The following ARHGEF11 variants were observed in gnomAD, a reference collection of about 807,000 sequenced individuals.
ARHGEF11 encodes the protein Rho guanine exchange factor (GEF) 11.
In ARHGEF11, 55 loss-of-function variants were observed where a neutral mutation model predicts 193.7. The ratio of observed to expected loss-of-function variants is 0.28; its 90% confidence interval spans 0.23 to 0.36. ARHGEF11 has a LOEUF of 0.36. Ranked by LOEUF, ARHGEF11 falls within the 10% of genes least tolerant of loss-of-function variation. The pLI is 1.00. For missense variants in ARHGEF11, 1,723 were observed against 2,005.6 expected (o/e 0.86, Z 2.69); for synonymous variants, 693 against 768.0 (o/e 0.90, Z 1.62).
intron 21 of ARHGEF11, among the ~76,000 whole-genome samples, chr1:156,954,611 C>T (rs1207912104): frequency 6.6e-6 from 1 of 152,310 alleles, no homozygotes; most frequent in Middle Eastern, 3.4e-3. Context: ...AAGGAGCTGT[C>T]CCTGCAGGAG....
rs1553228459 is a variant in ARHGEF11 at position 157,013,259 on chromosome 1, T to TCTCA, written c.33-27087_33-27086insTGAG. Among the ~76,000 whole-genome samples, 378 of 109,574 alleles carry TCTCA rather than the reference T, an allele frequency of 3.4e-3. 3 individuals carry two copies. The highest frequency in any genetic ancestry group is 7.1e-3 in the South Asian group (21 of 2,976). The allele number at this position is 109,574 out of a possible 152,430, so 71.9% of individuals were successfully genotyped here. A position where few individuals can be genotyped will look rare whatever the true frequency, so the allele number is the denominator to read the frequency against. On this transcript the variant is annotated intron_variant, in intron 1 of 40. Transcript: ENST00000368194. ...CCCAACTGCTCATAACTCCCCACTA[T>TCTCA]CACTCACACACACACACACACACAC...
At chr1:157,016,968 A>G (rs1669323357) in intron 1 of ARHGEF11, among the ~76,000 whole-genome samples, 1 of 152,068 alleles carries the variant, frequency 6.6e-6, no homozygotes, top group African/African-American at 2.4e-5. Flanking sequence ...ACCCCACGAC[A>G]TCCAGACTAG....
intron 22 of ARHGEF11, among the ~76,000 whole-genome samples, chr1:156,949,791 G>A (rs1156782711): frequency 6.6e-6 from 1 of 152,136 alleles, no homozygotes. Context: ...TCCTCACCAA[G>A]AAGTGAGGCA....
intron 40 of ARHGEF11, among the ~76,000 whole-genome samples, chr1:156,936,497 A>AAAATATATAT (rs370282821): frequency 5.9e-4 from 20 of 33,932 alleles, no homozygotes; most frequent in East Asian, 2.2e-3. Flanking sequence ...AAAAAAAAAA[A>AAAATATATAT]ATATATATAT....
chr1:156,965,382 T>A (rs1177454017), intron 11 of ARHGEF11, among the ~76,000 whole-genome samples: 3 of 152,218 alleles, frequency 2.0e-5, no homozygotes, highest in Non-Finnish European at 4.4e-5. Context: ...GAGCTCCGTG[T>A]TGGGGACCAG....
chr1:157,007,952 TC>T (rs1668048016), intron 1 of ARHGEF11, among the ~76,000 whole-genome samples: 2 of 3,786 alleles, frequency 5.3e-4, no homozygotes, highest in Non-Finnish European at 0.034. Flanking sequence ...CTGTTACAGC[TC>T]CAATGTTTAC....
chr1:156,948,903 G>GT lies in ARHGEF11; in HGVS notation c.1926-406dup, dbSNP rs1658649027. On this transcript the variant is annotated intron_variant, in intron 22 of 40. Coordinates refer to ENST00000368194, the MANE Select transcript of ARHGEF11 (RefSeq NM_198236.3). The surrounding 1 kb of genome is among the most constrained non-coding windows in gnomAD (Gnocchi z 4.2). ...ACAAGGTCCCAGCTCCCTGCCCCTAGTGGCCAGTTCACGTTGCCTCTGCTT... is the reference window on the plus strand; with the variant it reads ...ACAAGGTCCCAGCTCCCTGCCCCTAGTTGGCCAGTTCACGTTGCCTCTGCTT... The GT allele has an allele frequency of 1.0e-6, 1 of 985,292 alleles. No homozygotes were observed. The highest frequency in any genetic ancestry group is 4.7e-5 in the South Asian group (1 of 21,296). 61.0% of individuals were successfully genotyped at this position (985,292 alleles called of 1,614,324 possible).
At chr1:156,972,642 A>T (rs1662658059) in intron 7 of ARHGEF11, among the ~76,000 whole-genome samples, 2 of 152,174 alleles carry the variant, frequency 1.3e-5, no homozygotes, top group Admixed American at 6.5e-5. Context: ...ACTACCTGAC[A>T]ACCATTTTAC....
intron 40 of ARHGEF11, 156 bp from the exon 41 acceptor site, chr1:156,936,214 C>T (rs1655077395): frequency 1.2e-6 from 1 of 826,504 alleles, no homozygotes; most frequent in Admixed American, 1.7e-5. Flanking sequence ...AAAGGGCTGT[C>T]TACTGAACTC....
At chr1:156,996,742 C>T (rs1229633368) in intron 1 of ARHGEF11, among the ~76,000 whole-genome samples, 4 of 132,336 alleles carry the variant, frequency 3.0e-5, no homozygotes, top group Admixed American at 8.3e-5. Context: ...CACTGCACTC[C>T]ATCCTGGGCG....
At chr1:157,014,226 G>A (rs1229960982) in intron 1 of ARHGEF11, among the ~76,000 whole-genome samples, 2 of 152,054 alleles carry the variant, frequency 1.3e-5, no homozygotes, top group Admixed American at 6.6e-5. Flanking sequence ...AATAACTGGA[G>A]CCTTTAAGCA....
At chr1:156,974,911 A>G (rs1663051261) in intron 7 of ARHGEF11, among the ~76,000 whole-genome samples, 1 of 152,202 alleles carries the variant, frequency 6.6e-6, no homozygotes, top group African/African-American at 2.4e-5. Flanking sequence ...TCTATTCATC[A>G]GCGGAAGAAC....
rs1571490492 is a variant in ARHGEF11, at chr1:157,011,897, C to A, written c.33-25724G>T. ...TTGCTGGTGGGAATGTAAAATAGGG[C>A]AGCCACTTTGGAAAATAGTTTCACA... On this transcript the variant is annotated intron_variant, in intron 1 of 40. Transcript: ENST00000368194. 2.0e-5 allele frequency among the ~76,000 whole-genome samples: 3 copies of A among 152,138 alleles called. No homozygotes were observed. The South Asian group carries it at 6.2e-4, about 32-fold the overall frequency.
intron 1 of ARHGEF11, among the ~76,000 whole-genome samples, chr1:157,020,137 A>G (rs1028837304): frequency 6.6e-6 from 1 of 151,678 alleles, no homozygotes; most frequent in Admixed American, 6.6e-5. Flanking sequence ...AAAAAAAAAA[A>G]AAGAAGAAGA....
chr1:156,939,312 C>T (rs1420254399), intron 37 of ARHGEF11: 2 of 581,302 alleles, frequency 3.4e-6, no homozygotes, highest in East Asian at 3.0e-5. Flanking sequence ...AGAGATGATT[C>T]AGAATTTTGT....
chr1:157,007,403 G>T (rs1667957832), intron 1 of ARHGEF11, among the ~76,000 whole-genome samples: 1 of 152,162 alleles, frequency 6.6e-6, no homozygotes, highest in East Asian at 1.9e-4. Context: ...GGTTGGTACA[G>T]ATTCTAAGCC....
At chr1:157,001,312 T>C (rs1190802531) in intron 1 of ARHGEF11, among the ~76,000 whole-genome samples, 3 of 152,178 alleles carry the variant, frequency 2.0e-5, no homozygotes, top group Non-Finnish European at 4.4e-5. Context: ...CTCTACAAAG[T>C]ATACTTGATA....
chr1:156,935,706 T>G lies in ARHGEF11; in HGVS notation c.*294A>C. 2.5e-6 allele frequency: 1 copy of G among 404,132 alleles called. No homozygotes were observed. The highest frequency in any genetic ancestry group is 2.0e-5 in the African/African-American group (1 of 49,782). The allele number at this position is 404,132 out of a possible 1,614,324, so 25.0% of individuals were successfully genotyped here. A position where few individuals can be genotyped will look rare whatever the true frequency, so the allele number is the denominator to read the frequency against. On this transcript the variant is annotated 3_prime_UTR_variant, in exon 41 of 41. Transcript: ENST00000368194. ...AGGCGTGCGCGTGTACACACATATG[T>G]GGGGTGAGGGCAGACCATGGTGAGT...
rs780005478 is a variant in ARHGEF11, at chr1:156,948,437, G to A, written c.1987C>T (p.Arg663Trp). 9.9e-6 allele frequency: 16 copies of A among 1,614,224 alleles called. No homozygotes were observed. The highest frequency in any genetic ancestry group is 1.3e-5 in the Non-Finnish European group (15 of 1,180,044). Residue 663 changes from arginine to tryptophan, a missense_variant, in exon 23 of 41, where the codon CGG becomes TGG. This residue lies in a region of ARHGEF11 where 491 missense variants were observed against 654.5 expected (regional missense o/e 0.75). Coordinates refer to ENST00000368194, the MANE Select transcript of ARHGEF11 (RefSeq NM_198236.3). The surrounding 1 kb of genome is among the most constrained non-coding windows in gnomAD (Gnocchi z 4.2). ...ESLKGREEMK[R>W]SRKAENVPRS... is the part of the protein sequence containing the mutation. The stretch of plus-strand genomic sequence containing the variant: ...GGCACGTTCTCTGCCTTTCGAGACC[G>A]TTTCATCTCTTCCCGGCCCTTGAGG...
Sources: gnomAD v4.1 joint callset for allele counts (sites outside exome capture counted in the v4.1 genomes callset) on GRCh38, gnomAD v4.1.1 for gene constraint, gnomAD v4.1.1 regional missense constraint, Gnocchi (gnomAD v3.1) non-coding constraint, MANE v1.5 for transcripts, NCBI Gene and HGNC (gene_info 2026-07-23, HGNC 2026-07-21) for gene names.